FH: variants seen among roughly 807,000 people sequenced by gnomAD.
FH encodes the protein fumarate hydratase, mitochondrial.
Under a neutral mutation model 49.4 loss-of-function variants are expected in FH, and 22 were observed. The ratio of observed to expected loss-of-function variants is 0.45; its 90% CI spans 0.32 to 0.64. FH has a LOEUF of 0.64. Among genes scored for constraint, FH ranks in the 30% least tolerant of loss-of-function variants. The probability of loss-of-function intolerance (pLI) is 0.05; values close to 1 mark genes in which losing one functional copy is unlikely to be tolerated. For synonymous variants in FH, 208 were observed against 223.0 expected (o/e 0.93, Z 0.60); for missense variants, 526 against 641.5 (o/e 0.82, Z 1.95).
chr1:241,498,623 G>C (rs2147911735), intron 9 of FH, among the ~76,000 whole-genome samples: 2 of 146,444 alleles, frequency 1.4e-5, no homozygotes, highest in African/African-American at 5.1e-5. Context: ...CAGGCATACT[G>C]TTTACTTCAG....
At chr1:241,503,387 GTGGCCTTTA>G (rs1272477277) in intron 7 of FH, among the ~76,000 whole-genome samples, 1 of 152,204 alleles carries the variant, frequency 6.6e-6, no homozygotes, top group Non-Finnish European at 1.5e-5. Flanking sequence ...CCAAGCTACA[GTGGCCTTTA>G]TGGATCTCAG....
At chr1:241,516,658 A>ATTT (rs34340049) in intron 2 of FH, among the ~76,000 whole-genome samples, 4 of 148,610 alleles carry the variant, frequency 2.7e-5, no homozygotes, top group African/African-American at 5.0e-5. Flanking sequence ...AATTAAATTA[A>ATTT]TTTTTTTTTT....
At chr1:241,503,562 T>C (rs1174158050) in intron 7 of FH, among the ~76,000 whole-genome samples, 1 of 152,202 alleles carries the variant, frequency 6.6e-6, no homozygotes, top group African/African-American at 2.4e-5. Context: ...GTCACTTCAT[T>C]AGTCACTTCT....
At chr1:241,519,165 G>T in intron 1 of FH, 1 of 173,796 alleles carries the variant, frequency 5.8e-6, no homozygotes, top group Non-Finnish European at 1.2e-5. Context: ...GCCCAGCTAT[G>T]GGGCAGGACG....
At chr1:241,513,452 A>C (rs1660139617) in intron 3 of FH, 151 bp downstream of exon 3, 2 of 717,292 alleles carry the variant, frequency 2.8e-6, no homozygotes, top group Admixed American at 4.3e-5. Flanking sequence ...CACCATATTA[A>C]TATCACCACT....
chr1:241,508,829 G>C (rs1392799786), intron 4 of FH, 44 bp from the exon 5 acceptor site: 2 of 1,562,332 alleles, frequency 1.3e-6, no homozygotes, highest in East Asian at 4.5e-5. Context: ...TTAAATCAGA[G>C]GCAACAAAAA....
At chr1:241,505,295 A>T (rs529291089) in intron 6 of FH, among the ~76,000 whole-genome samples, 3 of 152,258 alleles carry the variant, frequency 2.0e-5, no homozygotes, top group South Asian at 4.1e-4. Context: ...GATCCCCTAT[A>T]AAAACAGTGT....
Position 241,498,739 on chromosome 1 carries a change from A to G in FH, c.1391-769T>C, listed in dbSNP as rs1182754316. On this transcript the variant is annotated intron_variant, in intron 9 of 9. Transcript: ENST00000366560. Reference sequence around the variant, plus strand: ...TATATATATATATATATATATATATATATGTCAAGAAGAAAAAGCAGGAAT... The same window carrying G: ...TATATATATATATATATATATATATGTATGTCAAGAAGAAAAAGCAGGAAT... Among the ~76,000 whole-genome samples the G allele has an allele frequency of 7.8e-5, 9 of 115,200 alleles. 1 individual carries two copies. Among genetic ancestry groups the G allele is most frequent in the South Asian group, 2.9e-4 (1 of 3,504 alleles). The allele number at this position is 115,200 out of a possible 152,430, so 75.6% of individuals were successfully genotyped here.
intron 2 of FH, among the ~76,000 whole-genome samples, chr1:241,515,761 T>C (rs546157741): frequency 5.6e-4 from 86 of 152,368 alleles, no homozygotes; most frequent in African/African-American, 1.7e-3. Context: ...GAATATGTTA[T>C]GCATTTCTCA....
chr1:241,499,100 T>A (rs1659701593), intron 9 of FH, among the ~76,000 whole-genome samples: 1 of 152,138 alleles, frequency 6.6e-6, no homozygotes, highest in Non-Finnish European at 1.5e-5. Flanking sequence ...TTTATTTTAA[T>A]AATGGCTTTA....
At chr1:241,517,148 CA>C (rs2147925053) in intron 2 of FH, 33 bp downstream of exon 2, 1 of 1,613,696 alleles carries the variant, frequency 6.2e-7, no homozygotes, top group Admixed American at 1.7e-5. Flanking sequence ...CTACTTCATC[CA>C]AAATAGCCAA....
intron 8 of FH, 136 bp downstream of exon 8, chr1:241,502,307 A>G (rs1187956085): frequency 9.6e-6 from 9 of 939,286 alleles, no homozygotes; most frequent in African/African-American, 1.7e-5. Flanking sequence ...TGGTAACTTA[A>G]TAAATGCTTG....
chr1:241,506,268 A>G, intron 5 of FH, 100 bp from the exon 6 acceptor site: 3 of 879,362 alleles, frequency 3.4e-6, no homozygotes, highest in East Asian at 2.7e-5. Flanking sequence ...TACCTTTCAG[A>G]ATACTAAATT....
chr1:241,505,795 A>G (rs913028355), intron 6 of FH, among the ~76,000 whole-genome samples: 12 of 152,248 alleles, frequency 7.9e-5, no homozygotes, highest in Non-Finnish European at 1.3e-4. Flanking sequence ...TTTTAATGGC[A>G]TGCTGTATAA....
Position 241,517,231 on chromosome 1 carries a change from A to G in FH, c.218T>C (p.Val73Ala). 9 of 1,610,482 alleles carry G rather than the reference A, an allele frequency of 5.6e-6. No individual in the cohort carries two copies. The highest frequency in any genetic ancestry group is 7.6e-6 in the Non-Finnish European group (9 of 1,176,678). The change falls in exon 2 of 10, where the codon GTG becomes GCG. Residue 73 changes from valine (V) to alanine (A), a missense_variant. Physicochemically the swap from Val to Ala is moderately conservative, Grantham distance 64 (BLOSUM62 0). Transcript: ENST00000366560. ...PNDKYYGAQT[V>A]RSTMNFKIGG... is the part of the protein sequence containing the mutation. Reference sequence around the variant, plus strand: ...AATCTTAAAGTTCATCGTAGATCTCACGGTCTGGGCGCCATAATACTTATC... The same window carrying G: ...AATCTTAAAGTTCATCGTAGATCTCGCGGTCTGGGCGCCATAATACTTATC...
intron 2 of FH, among the ~76,000 whole-genome samples, chr1:241,515,416 T>G (rs1314269052): frequency 6.6e-6 from 1 of 152,106 alleles, no homozygotes; most frequent in Non-Finnish European, 1.5e-5. Flanking sequence ...CTCCTTAGTC[T>G]CTGGAGTTGA....
intron 1 of FH, chr1:241,519,363 C>A: frequency 1.9e-6 from 1 of 532,782 alleles, no homozygotes; most frequent in East Asian, 3.6e-5. Flanking sequence ...TCTCTGACAG[C>A]CCCCGTCCCT....
rs1659673469 is a variant in FH at position 241,498,227 on chromosome 1, A to G, written c.1391-257T>C. Among the ~76,000 whole-genome samples, 3 of 152,188 alleles carry G rather than the reference A, an allele frequency of 2.0e-5. No homozygotes were observed. In the South Asian group the frequency reaches 6.2e-4, roughly 32 times the overall value. On this transcript the variant is annotated intron_variant, in intron 9 of 9. Transcript: ENST00000366560. Reference sequence around the variant, plus strand: ...TGTTCCTAAGTTGAAATTTTCCAGTAACTTAGATATTTTGAAGGGGAAAAA... The same window carrying G: ...TGTTCCTAAGTTGAAATTTTCCAGTGACTTAGATATTTTGAAGGGGAAAAA...
At position 241,504,064 on chromosome 1, in the gene FH, T is replaced by C. The variant is rs1553341008; in HGVS notation, c.1086A>G (p.Glu362=). ...GLGELILPEN[E]PGSSIMPGKV... is the part of the protein sequence containing the mutation. The stretch of plus-strand genomic sequence containing the variant: ...TACCTGGCATGATACTGCTTCCTGG[T>C]TCATTTTCAGGCAAGATCAATTCTC... Residue 362 remains glutamate (E), a synonymous_variant, in exon 7 of 10, where the codon GAA becomes GAG. Transcript: ENST00000366560. 4.3e-6 allele frequency: 7 copies of C among 1,614,190 alleles called. No individual in the cohort carries two copies. Among genetic ancestry groups the C allele is most frequent in the Admixed American group, 1.7e-5 (1 of 60,010 alleles).
Sources: allele counts gnomAD v4.1 joint callset (sites outside exome capture counted in the v4.1 genomes callset), GRCh38; gene constraint gnomAD v4.1.1; transcripts MANE v1.5; gene names NCBI Gene and HGNC (gene_info 2026-07-23, HGNC 2026-07-21).